Variants in NFYB observed in about 807,000 individuals in gnomAD.
The protein encoded by NFYB is CAAT box DNA-binding protein subunit B.
In NFYB, 13 loss-of-function variants were observed where a neutral mutation model predicts 28.0. That is an observed-to-expected ratio of 0.46 (90% CI 0.30 to 0.74). NFYB has a LOEUF of 0.74. Ranked by LOEUF, NFYB falls within the 30% of genes least tolerant of loss-of-function variation. The probability of loss-of-function intolerance (pLI) is 0.07; values close to 1 mark genes in which losing one functional copy is unlikely to be tolerated. For missense variants in NFYB, 142 were observed against 247.6 expected (o/e 0.57, Z 2.86); for synonymous variants, 74 against 75.0 (o/e 0.99, Z 0.07).
chr12:104,129,565 T>C lies in NFYB; in HGVS notation c.7-1048A>G, dbSNP rs142700536. On this transcript the variant is annotated intron_variant, in intron 2 of 7. Transcript: ENST00000240055. ...TGAACCCATAAACTCCTGATTCTAG[T>C]CAAAGGTTAATTTTCTCTCCCCCTG... 3.6e-3 allele frequency among the ~76,000 whole-genome samples: 548 copies of C among 152,174 alleles called. 2 individuals carry two copies. Among genetic ancestry groups the C allele is most frequent in the Non-Finnish European group, 4.6e-3 (314 of 68,010 alleles).
intron 2 of NFYB, among the ~76,000 whole-genome samples, chr12:104,129,189 GC>G (rs1358208712): frequency 2.6e-5 from 4 of 152,084 alleles, no homozygotes; most frequent in Admixed American, 2.0e-4. Context: ...GCTTAGTAAA[GC>G]TGTACACAGT....
chr12:104,119,725 C>T lies in NFYB; in HGVS notation c.*12G>A, dbSNP rs1283840358. ...CATTTCTCTACACTCCCCATTCCAT[C>T]ATTTCTTCAGATCATGAAAACTGAA... On this transcript the variant is annotated 3_prime_UTR_variant, in exon 8 of 8. Coordinates refer to ENST00000240055, the MANE Select transcript of NFYB (RefSeq NM_006166.4). 1.3e-6 allele frequency: 2 copies of T among 1,595,074 alleles called. No homozygotes were observed. Among genetic ancestry groups the T allele is most frequent in the Middle Eastern group, 1.7e-4 (1 of 6,020 alleles).
rs752421678 is a variant in NFYB at position 104,121,304 on chromosome 12, C to T, written c.447G>A (p.Lys149=). 1 of 1,612,218 alleles carries T rather than the reference C, an allele frequency of 6.2e-7. No individual in the cohort carries two copies. The highest frequency in any genetic ancestry group is 8.5e-7 in the Non-Finnish European group (1 of 1,179,454). ...QKFREAMKGE[K]GIGGAVTATD... ...TAGCTGTGACTGCTCCACCAATTCC[C>T]TTTTCTCCTTTCATAGCCTGAGGAA... is the stretch of plus-strand genomic sequence containing the variant. The change falls in exon 6 of 8, where the codon AAG becomes AAA. Residue 149 remains lysine, a synonymous_variant. Transcript: ENST00000240055.
chr12:104,136,143 C>T (rs1565828801), intron 1 of NFYB, among the ~76,000 whole-genome samples: 2 of 152,058 alleles, frequency 1.3e-5, no homozygotes, highest in Non-Finnish European at 2.9e-5. Context: ...TTTGAAGCAC[C>T]ACCATTTTTG....
At chr12:104,121,537 C>T (rs1396062093) in intron 5 of NFYB, among the ~76,000 whole-genome samples, 1 of 152,038 alleles carries the variant, frequency 6.6e-6, no homozygotes, top group East Asian at 1.9e-4. Flanking sequence ...TTAGTAATGA[C>T]CTAGAAAGCA....
intron 4 of NFYB, among the ~76,000 whole-genome samples, chr12:104,125,720 C>T (rs7135603): frequency 0.62 from 92,274 of 150,006 alleles, 29,493 homozygotes; most frequent in East Asian, 0.89. Flanking sequence ...TGGTGGTGCA[C>T]GCCTGTAATC....
At chr12:104,133,664 A>T (rs138036569) in intron 2 of NFYB, among the ~76,000 whole-genome samples, 1 of 152,188 alleles carries the variant, frequency 6.6e-6, no homozygotes, top group African/African-American at 2.4e-5. Flanking sequence ...TACGGTTCTC[A>T]TTATTCTTCC....
In NFYB at chr12:104,135,511, GTCTAA is replaced by G. The variant is rs979398696; in HGVS notation, c.-63_-59del. Reference sequence around the variant, plus strand: ...CTGAAGAACACCTATCTAAAAAGGTGTCTAATCTTTGTGATTTCAACCTAAAAGAT... The same window carrying G: ...CTGAAGAACACCTATCTAAAAAGGTGTCTTTGTGATTTCAACCTAAAAGAT... On this transcript the variant is annotated 5_prime_UTR_variant, in exon 2 of 8. Transcript: ENST00000240055. 4.6e-5 allele frequency: 69 copies of G among 1,492,676 alleles called. No homozygotes were observed. The highest frequency in any genetic ancestry group is 8.0e-5 in the South Asian group (6 of 74,826). The allele number at this position is 1,492,676 out of a possible 1,614,324, so 92.5% of individuals were successfully genotyped here.
Position 104,133,342 on chromosome 12 carries a change from A to C in NFYB, c.6+2106T>G, listed in dbSNP as rs141735111. On this transcript the variant is annotated intron_variant, in intron 2 of 7. Coordinates refer to ENST00000240055, the MANE Select transcript of NFYB (RefSeq NM_006166.4). ...TACAGTCTTTACACCTACTTCTTTAATTTGTCCCTTTTACATTCTAAGGCT... is the reference window on the plus strand; with the variant it reads ...TACAGTCTTTACACCTACTTCTTTACTTTGTCCCTTTTACATTCTAAGGCT... 1.7e-3 allele frequency among the ~76,000 whole-genome samples: 266 copies of C among 152,266 alleles called. 3 individuals carry two copies. Among genetic ancestry groups the C allele is most frequent in the African/African-American group, 5.7e-3 (237 of 41,548 alleles).
At position 104,121,234 on chromosome 12, in the gene NFYB, G is replaced by C. The variant is rs766976259; in HGVS notation, c.511+6C>G. ...TCTACATGACTTGTATTATAACAAT[G>C]CTTACTAAATGCCTCCTCTGTAAGC... On this transcript the variant is annotated splice_donor_region_variant and intron_variant, in intron 6 of 7. Coordinates refer to ENST00000240055, the MANE Select transcript of NFYB (RefSeq NM_006166.4). The C allele has an allele frequency of 9.4e-6, 15 of 1,603,968 alleles. No homozygotes were observed. The African/African-American group carries it at 1.7e-4, about 19-fold the overall frequency.
intron 1 of NFYB, among the ~76,000 whole-genome samples, chr12:104,136,129 T>C (rs1210608396): frequency 6.6e-6 from 1 of 152,232 alleles, no homozygotes; most frequent in African/African-American, 2.4e-5. Context: ...CCCTTATTTA[T>C]AATTTTGAAG....
chr12:104,123,751 G>C (rs1057386476), intron 4 of NFYB, among the ~76,000 whole-genome samples: 1 of 152,256 alleles, frequency 6.6e-6, no homozygotes, highest in East Asian at 1.9e-4. Context: ...CCTGAGGTCA[G>C]GAGTTCAAGA....
In NFYB at chr12:104,120,570, C is replaced by T. The variant is rs1422973779; in HGVS notation, c.512-91G>A. The T allele has an allele frequency of 4.8e-6, 4 of 836,356 alleles. No homozygotes were observed. In the East Asian group the frequency reaches 1.0e-4, roughly 21 times the overall value. The allele number at this position is 836,356 out of a possible 1,614,324, so 51.8% of individuals were successfully genotyped here. On this transcript the variant is annotated intron_variant, in intron 6 of 7. Coordinates refer to ENST00000240055, the MANE Select transcript of NFYB (RefSeq NM_006166.4). ...AGGTTGTACCATTAATGTCTCATTA[C>T]AATTCTGCCCGGTATCAATGATGTA... is the stretch of plus-strand genomic sequence containing the variant.
chr12:104,120,184 A>G (rs938205654), intron 7 of NFYB, among the ~76,000 whole-genome samples: 6 of 151,942 alleles, frequency 3.9e-5, no homozygotes, highest in African/African-American at 1.5e-4. Context: ...GCCTCCAAGC[A>G]GAGGGGATTA....
intron 5 of NFYB, among the ~76,000 whole-genome samples, chr12:104,122,439 G>C (rs185594583): frequency 1.5e-3 from 233 of 152,328 alleles, no homozygotes; most frequent in African/African-American, 5.5e-3. Context: ...GCTGCAGACT[G>C]ATGAGTGTCC....
Position 104,119,718 on chromosome 12 carries a change from A to G in NFYB, c.*19T>C. 1 of 1,586,496 alleles carries G rather than the reference A, an allele frequency of 6.3e-7. No individual in the cohort carries two copies. Among genetic ancestry groups the G allele is most frequent in the Non-Finnish European group, 8.6e-7 (1 of 1,156,148 alleles). ...AGACTCTCATTTCTCTACACTCCCC[A>G]TTCCATCATTTCTTCAGATCATGAA... On this transcript the variant is annotated 3_prime_UTR_variant, in exon 8 of 8. Coordinates refer to ENST00000240055, the MANE Select transcript of NFYB (RefSeq NM_006166.4).
In NFYB at chr12:104,121,786, C is replaced by A. The variant is rs113205964; in HGVS notation, c.430-465G>T. Among the ~76,000 whole-genome samples the A allele has an allele frequency of 2.7e-3, 417 of 152,314 alleles. 3 individuals carry two copies. In the Middle Eastern group the frequency reaches 0.037, roughly 14 times the overall value. ...CAAATACTTCTAGGTTCCTATGATACTGAAGATCTGTAAAAATAATGTCAG... is the reference window on the plus strand; with the variant it reads ...CAAATACTTCTAGGTTCCTATGATAATGAAGATCTGTAAAAATAATGTCAG... On this transcript the variant is annotated intron_variant, in intron 5 of 7. Transcript: ENST00000240055.
intron 2 of NFYB, chr12:104,131,897 C>G (rs2030938632): frequency 2.6e-6 from 1 of 380,952 alleles, no homozygotes; most frequent in African/African-American, 2.1e-5. Context: ...AGGACACAGG[C>G]TCTGGAATCG....
Position 104,123,209 on chromosome 12 carries a change from G to T in NFYB, c.429+17C>A. The T allele has an allele frequency of 1.3e-6, 2 of 1,580,026 alleles. No homozygotes were observed. Among genetic ancestry groups the T allele is most frequent in the Middle Eastern group, 1.8e-4 (1 of 5,462 alleles). ...AAAGAAGAAAAAAAAAAGCACAATG[G>T]GAGATATTTTATTTACCTCTCTGAA... On this transcript the variant is annotated intron_variant, in intron 5 of 7. Transcript: ENST00000240055.
Sources: allele counts gnomAD v4.1 joint callset (sites outside exome capture counted in the v4.1 genomes callset), GRCh38; gene constraint gnomAD v4.1.1; transcripts MANE v1.5; gene names NCBI Gene and HGNC (gene_info 2026-07-23, HGNC 2026-07-21).